NCOA3: variants seen among roughly 807,000 people sequenced by gnomAD.
NCOA3 encodes the protein nuclear receptor coactivator 3.
NCOA3 carries 51 observed loss-of-function variants against 158.8 expected under a neutral mutation model. That is an observed-to-expected ratio of 0.32 (90% CI 0.26 to 0.41). The LOEUF is 0.41. Among genes scored for constraint, NCOA3 ranks in the 10% least tolerant of loss-of-function variants. The pLI, the probability that NCOA3 is intolerant of heterozygous loss-of-function variation, is 1.00. For missense variants in NCOA3, 1,510 were observed against 1,746.6 expected (o/e 0.86, Z 2.41); for synonymous variants, 537 against 592.4 (o/e 0.91, Z 1.36).
chr20:47,580,170 A>G (rs941681556), intron 1 of NCOA3, among the ~76,000 whole-genome samples: 2 of 152,132 alleles, frequency 1.3e-5, no homozygotes, highest in African/African-American at 2.4e-5. Context: ...GACCAGCACT[A>G]TAACACTGGA....
chr20:47,526,094 G>A (rs1298450419), intron 1 of NCOA3, among the ~76,000 whole-genome samples: 2 of 150,572 alleles, frequency 1.3e-5, no homozygotes, highest in Non-Finnish European at 3.0e-5. Flanking sequence ...CGGGGTGGCC[G>A]GGCAGAGACG....
chr20:47,584,317 A>G (rs543256412), intron 2 of NCOA3, among the ~76,000 whole-genome samples: 1 of 152,168 alleles, frequency 6.6e-6, no homozygotes, highest in African/African-American at 2.4e-5. Context: ...AAATAAATAA[A>G]TAATTAAAAA....
At position 47,620,425 on chromosome 20, in the gene NCOA3, A is replaced by G. The variant is rs186476618; in HGVS notation, c.-19-1804A>G. Among the ~76,000 whole-genome samples the G allele has an allele frequency of 5.5e-3, 845 of 152,364 alleles. 3 individuals carry two copies. The highest frequency in any genetic ancestry group is 0.01 in the Middle Eastern group (3 of 294). ...TTTAAATATGAAAATTGGAAAATCA[A>G]AACCGAACATACCTTTAAGTTTAAA... On this transcript the variant is annotated intron_variant, in intron 2 of 22. Transcript: ENST00000371998.
At position 47,530,611 on chromosome 20, in the gene NCOA3, C is replaced by T. The variant is rs200953541; in HGVS notation, c.-99+28592C>T. Reference sequence around the variant, plus strand: ...CCAAGTAGCTGGGATTACAGGCTCCCGCCACCATGCCTGGCGAATTTTTGT... The same window carrying T: ...CCAAGTAGCTGGGATTACAGGCTCCTGCCACCATGCCTGGCGAATTTTTGT... On this transcript the variant is annotated intron_variant, in intron 1 of 22. Transcript: ENST00000371998. Among the ~76,000 whole-genome samples, 76 of 151,982 alleles carry T rather than the reference C, an allele frequency of 5.0e-4. No individual in the cohort carries two copies. The East Asian group carries it at 0.013, about 25-fold the overall frequency.
At chr20:47,572,037 T>TCCG (rs2085302958) in intron 1 of NCOA3, among the ~76,000 whole-genome samples, 3 of 152,328 alleles carry the variant, frequency 2.0e-5, no homozygotes, top group South Asian at 4.1e-4. Context: ...CCTTTCATTT[T>TCCG]TATGTTATGT....
intron 2 of NCOA3, among the ~76,000 whole-genome samples, chr20:47,592,712 A>G (rs2085666378): frequency 6.6e-6 from 1 of 152,198 alleles, no homozygotes; most frequent in Non-Finnish European, 1.5e-5. Context: ...AAATGTTCAT[A>G]CTGTAACTGG....
intron 1 of NCOA3, among the ~76,000 whole-genome samples, chr20:47,535,767 A>G (rs771072208): frequency 3.3e-5 from 5 of 151,924 alleles, no homozygotes; most frequent in Non-Finnish European, 7.4e-5. Flanking sequence ...CAGCCTCCCA[A>G]AGTGCTGGGA....
At chr20:47,543,608 C>T (rs1205202920) in intron 1 of NCOA3, among the ~76,000 whole-genome samples, 2 of 151,612 alleles carry the variant, frequency 1.3e-5, no homozygotes, top group Non-Finnish European at 2.9e-5. Flanking sequence ...CTCCTGGGTT[C>T]AAGTGATTCT....
chr20:47,568,977 G>C (rs937400449), intron 1 of NCOA3, among the ~76,000 whole-genome samples: 18 of 150,782 alleles, frequency 1.2e-4, no homozygotes, highest in Non-Finnish European at 2.5e-4. Flanking sequence ...TTTTGAGGCA[G>C]AGTTTTGCTC....
At chr20:47,571,463 A>G (rs537935376) in intron 1 of NCOA3, among the ~76,000 whole-genome samples, 3 of 151,672 alleles carry the variant, frequency 2.0e-5, no homozygotes, top group African/African-American at 7.3e-5. Context: ...GACTACTGGC[A>G]CACACCACCA....
intron 2 of NCOA3, among the ~76,000 whole-genome samples, chr20:47,595,049 C>T (rs1339547399): frequency 6.6e-6 from 1 of 151,160 alleles, no homozygotes; most frequent in African/African-American, 2.4e-5. Flanking sequence ...GCCTTTGCCT[C>T]CCAAAGTGAT....
intron 20 of NCOA3, among the ~76,000 whole-genome samples, 195 bp from the exon 21 acceptor site, chr20:47,652,211 G>A (rs887118006): frequency 6.6e-6 from 1 of 152,018 alleles, no homozygotes; most frequent in African/African-American, 2.4e-5. Flanking sequence ...TAGTAAGCCT[G>A]TTACTCTAGT....
At chr20:47,513,979 A>G (rs1015156619) in intron 1 of NCOA3, among the ~76,000 whole-genome samples, 6 of 152,164 alleles carry the variant, frequency 3.9e-5, no homozygotes, top group Non-Finnish European at 8.8e-5. Flanking sequence ...ATATGCATGT[A>G]TATGTACCTA....
chr20:47,536,221 T>TA (rs971807323), intron 1 of NCOA3, among the ~76,000 whole-genome samples: 2 of 152,212 alleles, frequency 1.3e-5, no homozygotes, highest in African/African-American at 4.8e-5. Context: ...ACCCAGCACT[T>TA]ACTTCCCTGC....
At chr20:47,610,226 A>AT (rs2086021492) in intron 2 of NCOA3, among the ~76,000 whole-genome samples, 1 of 152,058 alleles carries the variant, frequency 6.6e-6, no homozygotes, top group Non-Finnish European at 1.5e-5. Context: ...GGAAACTATT[A>AT]TTATTGTTAC....
Position 47,651,057 on chromosome 20 carries a change from G to T in NCOA3, c.3727G>T (p.Val1243Leu), listed in dbSNP as rs748530158. 2 of 1,613,574 alleles carry T rather than the reference G, an allele frequency of 1.2e-6. No homozygotes were observed. Among genetic ancestry groups the T allele is most frequent in the Admixed American group, 3.3e-5 (2 of 59,932 alleles). Residue 1243 changes from valine (V) to leucine (L), a missense_variant, in exon 20 of 23, where the codon GTG (valine) becomes TTG (leucine). Physicochemically the swap from Val to Leu is conservative, Grantham distance 32. Coordinates refer to ENST00000371998, the MANE Select transcript of NCOA3 (RefSeq NM_181659.3). ...AAGTCATCACTTCCGACAACAGAGG[G>T]TGGCTATGATGATGCAGCAGCAGCA... ...LLSHHFRQQR[V>L]AMMMQQQQQQ...
chr20:47,596,021 A>C (rs1167158789), intron 2 of NCOA3, among the ~76,000 whole-genome samples: 1 of 152,196 alleles, frequency 6.6e-6, no homozygotes, highest in Non-Finnish European at 1.5e-5. Context: ...ATAAATAAAG[A>C]GTATATATTA....
intron 1 of NCOA3, among the ~76,000 whole-genome samples, chr20:47,519,964 A>G (rs755488940): frequency 7.1e-6 from 1 of 141,794 alleles, no homozygotes; most frequent in Admixed American, 7.6e-5. Context: ...GGGTTTCACC[A>G]TGTTGGTCAG....
intron 8 of NCOA3, among the ~76,000 whole-genome samples, chr20:47,631,935 T>C (rs72645260): frequency 0.028 from 4,243 of 152,308 alleles, 233 homozygotes; most frequent in African/African-American, 0.097. Flanking sequence ...ATGTATTTTT[T>C]TCTACACTAA....
Sources: allele counts gnomAD v4.1 joint callset (sites outside exome capture counted in the v4.1 genomes callset), GRCh38; gene constraint gnomAD v4.1.1; transcripts MANE v1.5; gene names NCBI Gene and HGNC (gene_info 2026-07-23, HGNC 2026-07-21).